GCNT2: variants seen among roughly 807,000 people sequenced by gnomAD.
GCNT2 encodes the protein glucosaminyl (N-acetyl) transferase 2 (I blood group).
Under a neutral mutation model 34.2 loss-of-function variants are expected in GCNT2, and 34 were observed. That is an observed-to-expected ratio of 1.00 (90% CI 0.76 to 1.32). The LOEUF is 1.32. GCNT2 is among the 40% of genes most tolerant of loss of function. The probability of loss-of-function intolerance (pLI) is 0.00; values close to 1 mark genes in which losing one functional copy is unlikely to be tolerated. For missense variants in GCNT2, 584 were observed against 489.4 expected (o/e 1.19, Z -1.82); for synonymous variants, 212 against 188.0 (o/e 1.13, Z -1.04).
intron 3 of GCNT2, among the ~76,000 whole-genome samples, chr6:10,580,928 C>G (rs529598461): frequency 6.6e-6 from 1 of 152,212 alleles, no homozygotes; most frequent in South Asian, 2.1e-4. Flanking sequence ...TGTTTGTGAC[C>G]GTAAAAGTTA....
chr6:10,556,328 G>T, intron 3 of GCNT2: 1 of 1,591,634 alleles, frequency 6.3e-7, no homozygotes, highest in East Asian at 2.2e-5. Flanking sequence ...AGTGAGTGGA[G>T]TATGTTGCAA....
At chr6:10,610,869 G>C (rs1046856924) in intron 3 of GCNT2, among the ~76,000 whole-genome samples, 4 of 152,124 alleles carry the variant, frequency 2.6e-5, no homozygotes, top group Non-Finnish European at 5.9e-5. Flanking sequence ...GGAGGCATTA[G>C]GAAATTTTTG....
At chr6:10,538,795 A>C (rs1359732490) in intron 3 of GCNT2, among the ~76,000 whole-genome samples, 1 of 152,174 alleles carries the variant, frequency 6.6e-6, no homozygotes, top group Non-Finnish European at 1.5e-5. Context: ...TTGCTTTGCC[A>C]ATTATACCAT....
At chr6:10,622,913 C>A (rs531695105) in intron 4 of GCNT2, among the ~76,000 whole-genome samples, 3 of 151,990 alleles carry the variant, frequency 2.0e-5, no homozygotes, top group African/African-American at 7.3e-5. Context: ...TGTCACCACG[C>A]TCAGCTAATT....
At position 10,537,727 on chromosome 6, in the gene GCNT2, CAAAA is replaced by C. The variant is rs1761838153; in HGVS notation, c.925+7892_925+7895del. Among the ~76,000 whole-genome samples the C allele has an allele frequency of 2.2e-4, 21 of 97,030 alleles. No homozygotes were observed. In the South Asian group the frequency reaches 2.3e-3, roughly 10 times the overall value. 63.7% of individuals were successfully genotyped at this position (97,030 alleles called of 152,430 possible). A position where few individuals can be genotyped will look rare whatever the true frequency, so the allele number is the denominator to read the frequency against. ...AAAAAAAAAAAAAAAAAAAAAAAAACAAAACAAAGAAAACGAAAGAAAATGCATT... is the reference window on the plus strand; with the variant it reads ...AAAAAAAAAAAAAAAAAAAAAAAAACCAAAGAAAACGAAAGAAAATGCATT... On this transcript the variant is annotated intron_variant, in intron 3 of 4. Transcript: ENST00000495262.
intron 3 of GCNT2, chr6:10,575,184 A>T (rs1763749440): frequency 2.5e-6 from 1 of 398,064 alleles, no homozygotes; most frequent in Non-Finnish European, 4.8e-6. Context: ...AGGCTTAGAG[A>T]ACATACATTG....
intron 3 of GCNT2, among the ~76,000 whole-genome samples, chr6:10,578,769 A>G (rs1294637699): frequency 1.3e-5 from 2 of 152,084 alleles, no homozygotes; most frequent in African/African-American, 4.8e-5. Flanking sequence ...CTTGTGGAGG[A>G]GAGAACATGG....
At chr6:10,565,147 A>G (rs1231241771) in intron 3 of GCNT2, among the ~76,000 whole-genome samples, 1 of 152,210 alleles carries the variant, frequency 6.6e-6, no homozygotes, top group African/African-American at 2.4e-5. Flanking sequence ...AGAGCCAGAA[A>G]AGCAGCCCGT....
In GCNT2 at chr6:10,523,972, CA is replaced by C. The variant is rs774638226; in HGVS notation, c.-469+2576del. ...TGGGTGACAGAGCGAGACTCTGTCTCAAAAAAAAAAAAAAAAAAAAACCAAG... is the reference window on the plus strand; with the variant it reads ...TGGGTGACAGAGCGAGACTCTGTCTCAAAAAAAAAAAAAAAAAAAACCAAG... On this transcript the variant is annotated intron_variant, in intron 1 of 4. Coordinates refer to ENST00000495262, the MANE Select transcript of GCNT2 (RefSeq NM_145649.5). 8.3e-3 allele frequency among the ~76,000 whole-genome samples: 568 copies of C among 68,366 alleles called. 3 individuals carry two copies. Among genetic ancestry groups the C allele is most frequent in the African/African-American group, 0.028 (481 of 16,914 alleles). 44.9% of individuals were successfully genotyped at this position (68,366 alleles called of 152,430 possible).
At chr6:10,539,180 C>CTCTTTTTTTTTT (rs1554127323) in intron 3 of GCNT2, among the ~76,000 whole-genome samples, 2 of 65,328 alleles carry the variant, frequency 3.1e-5, no homozygotes, top group East Asian at 5.6e-4. Context: ...CTCACCGTCT[C>CTCTTTTTTTTTT]TTTTTTTTTT....
At chr6:10,552,860 T>A (rs545390992) in intron 3 of GCNT2, among the ~76,000 whole-genome samples, 1 of 152,326 alleles carries the variant, frequency 6.6e-6, no homozygotes, top group East Asian at 1.9e-4. Flanking sequence ...ACTTCTTCAA[T>A]GACAGAGCAA....
intron 3 of GCNT2, among the ~76,000 whole-genome samples, chr6:10,538,972 A>G (rs1761911456): frequency 6.6e-6 from 1 of 152,124 alleles, no homozygotes; most frequent in Non-Finnish European, 1.5e-5. Flanking sequence ...TGAGAAAGAA[A>G]AAAATAAGGG....
chr6:10,601,286 A>C (rs2127427489), intron 3 of GCNT2, among the ~76,000 whole-genome samples: 1 of 152,316 alleles, frequency 6.6e-6, no homozygotes, highest in South Asian at 2.1e-4. Flanking sequence ...TTATGTAATT[A>C]AACTTGTACT....
intron 3 of GCNT2, among the ~76,000 whole-genome samples, chr6:10,537,843 G>T (rs932835690): frequency 3.3e-5 from 5 of 151,908 alleles, no homozygotes; most frequent in African/African-American, 9.7e-5. Flanking sequence ...CCTACCGATG[G>T]GCAAAATCAT....
intron 3 of GCNT2, chr6:10,575,193 T>C: frequency 2.6e-6 from 1 of 388,670 alleles, no homozygotes; most frequent in Non-Finnish European, 5.0e-6. Flanking sequence ...GAACATACAT[T>C]GGGTGCCTCT....
chr6:10,529,964 A>C, intron 3 of GCNT2, 128 bp downstream of exon 3: 2 of 791,760 alleles, frequency 2.5e-6, no homozygotes, highest in South Asian at 1.6e-5. Flanking sequence ...AAATTAAAAA[A>C]AAAATTTCAT....
At chr6:10,609,672 G>T (rs1372925429) in intron 3 of GCNT2, among the ~76,000 whole-genome samples, 1 of 152,212 alleles carries the variant, frequency 6.6e-6, no homozygotes, top group East Asian at 1.9e-4. Flanking sequence ...TAATTCTGAG[G>T]AGCTGGCTGG....
At chr6:10,609,245 G>GAGCA (rs1765450974) in intron 3 of GCNT2, among the ~76,000 whole-genome samples, 1 of 152,218 alleles carries the variant, frequency 6.6e-6, no homozygotes, top group South Asian at 2.1e-4. Flanking sequence ...GGAAGCTCAA[G>GAGCA]AGCACAGCAG....
intron 3 of GCNT2, chr6:10,586,870 A>G: frequency 5.0e-6 from 8 of 1,614,016 alleles, no homozygotes; most frequent in Admixed American, 1.7e-5. Context: ...AAAGATACCT[A>G]TAGTCCTGAT....
Sources: allele counts gnomAD v4.1 joint callset (sites outside exome capture counted in the v4.1 genomes callset), GRCh38; gene constraint gnomAD v4.1.1; transcripts MANE v1.5; gene names NCBI Gene and HGNC (gene_info 2026-07-23, HGNC 2026-07-21).